The following CHST8 variants were observed in gnomAD, a reference collection of about 807,000 sequenced individuals.
CHST8 encodes carbohydrate sulfotransferase 8.
CHST8 carries 10 observed loss-of-function variants against 15.0 expected under a neutral mutation model. The ratio of observed to expected loss-of-function variants is 0.67; its 90% CI spans 0.41 to 1.13. The LOEUF (loss-of-function observed/expected upper bound fraction) is 1.13. Ranked by LOEUF, CHST8 falls within the 50% of genes most tolerant of loss-of-function variation. The pLI, the probability that CHST8 is intolerant of heterozygous loss-of-function variation, is 0.00. For missense variants in CHST8, 634 were observed against 608.2 expected, an observed-to-expected ratio of 1.04 and a Z score of -0.45; for synonymous variants, 259 against 256.6, an observed-to-expected ratio of 1.01 and a Z score of -0.09.
chr19:33,769,013 C>T (rs186709787), intron 3 of CHST8, among the ~76,000 whole-genome samples: 4 of 152,306 alleles, frequency 2.6e-5, no homozygotes, highest in African/African-American at 9.6e-5. Flanking sequence ...GGAACTTTTC[C>T]TCTAGTTAAT....
chr19:33,761,577 C>T (rs564804954), intron 3 of CHST8, among the ~76,000 whole-genome samples: 31 of 152,026 alleles, frequency 2.0e-4, no homozygotes, highest in African/African-American at 7.0e-4. Flanking sequence ...GTGATACACC[C>T]GCCTCAGCCT....
At chr19:33,648,039 T>C (rs1035937) in intron 1 of CHST8, among the ~76,000 whole-genome samples, 117,472 of 151,670 alleles carry the variant, frequency 0.77, 46,820 homozygotes, top group Non-Finnish European at 0.87. Flanking sequence ...GGGAGAACTG[T>C]TTGAGCCCAG....
intron 3 of CHST8, among the ~76,000 whole-genome samples, chr19:33,690,409 C>A (rs756193259): frequency 6.6e-6 from 1 of 152,140 alleles, no homozygotes; most frequent in African/African-American, 2.4e-5. Flanking sequence ...ACTCTGCAAC[C>A]GCTCCGCCCC....
intron 2 of CHST8, among the ~76,000 whole-genome samples, chr19:33,676,148 T>C (rs970607691): frequency 1.3e-5 from 2 of 152,122 alleles, no homozygotes; most frequent in African/African-American, 4.8e-5. Flanking sequence ...AAGGCTCAAG[T>C]AAGTTTTTTT....
At chr19:33,702,483 C>T (rs1973359456) in intron 3 of CHST8, among the ~76,000 whole-genome samples, 1 of 152,252 alleles carries the variant, frequency 6.6e-6, no homozygotes, top group South Asian at 2.1e-4. Context: ...ACCGAAGCCC[C>T]AAGGCTCTTC....
At chr19:33,719,746 C>CAA (rs36093900) in intron 3 of CHST8, among the ~76,000 whole-genome samples, 8 of 143,618 alleles carry the variant, frequency 5.6e-5, no homozygotes, top group Admixed American at 2.1e-4. Context: ...CTGTGAGTTA[C>CAA]AAAAAAAAAA....
intron 3 of CHST8, among the ~76,000 whole-genome samples, chr19:33,694,296 G>A (rs1394195484): frequency 6.8e-6 from 1 of 147,282 alleles, no homozygotes; most frequent in African/African-American, 2.5e-5. Context: ...TGCAGAGTGA[G>A]TTTTCTTTAA....
At chr19:33,632,225 C>T (rs1196651076) in intron 1 of CHST8, among the ~76,000 whole-genome samples, 1 of 151,916 alleles carries the variant, frequency 6.6e-6, no homozygotes, top group Non-Finnish European at 1.5e-5. Flanking sequence ...CAGCAACCTC[C>T]ATCCCCCGGG....
intron 3 of CHST8, among the ~76,000 whole-genome samples, chr19:33,744,852 A>G (rs1163006031): frequency 2.0e-5 from 3 of 152,014 alleles, no homozygotes; most frequent in African/African-American, 7.3e-5. Flanking sequence ...GGGTTCAAGC[A>G]ATTCTCCTGC....
At chr19:33,722,950 T>G (rs1450178751) in intron 3 of CHST8, among the ~76,000 whole-genome samples, 1 of 152,222 alleles carries the variant, frequency 6.6e-6, no homozygotes. Context: ...TGACAGCTAA[T>G]CATTTTTCAC....
chr19:33,656,823 G>A (rs773648656), intron 1 of CHST8, among the ~76,000 whole-genome samples: 3 of 152,122 alleles, frequency 2.0e-5, no homozygotes, highest in Non-Finnish European at 4.4e-5. Flanking sequence ...ACAGACATGT[G>A]TGGTTAGTTT....
chr19:33,734,437 T>A (rs929304748), intron 3 of CHST8, among the ~76,000 whole-genome samples: 11 of 152,220 alleles, frequency 7.2e-5, no homozygotes, highest in African/African-American at 2.7e-4. Context: ...AATTATTTCT[T>A]GTGCAAGATC....
chr19:33,663,111 G>A (rs1392769868), intron 1 of CHST8, among the ~76,000 whole-genome samples: 2 of 152,150 alleles, frequency 1.3e-5, no homozygotes, highest in African/African-American at 2.4e-5. Context: ...GACAGGATGC[G>A]TGGCCGGAGC....
chr19:33,750,049 T>G (rs1216390684), intron 3 of CHST8, among the ~76,000 whole-genome samples: 2 of 152,112 alleles, frequency 1.3e-5, no homozygotes, highest in East Asian at 3.9e-4. Flanking sequence ...CGAAACGCCC[T>G]GAGACGGGCC....
intron 3 of CHST8, among the ~76,000 whole-genome samples, chr19:33,768,062 G>A (rs932904309): frequency 1.3e-5 from 2 of 152,136 alleles, no homozygotes; most frequent in Non-Finnish European, 2.9e-5. Context: ...GCTGTCCAGG[G>A]TCCTGACGTG....
chr19:33,752,226 G>T (rs1014585029), intron 3 of CHST8, among the ~76,000 whole-genome samples: 1 of 152,174 alleles, frequency 6.6e-6, no homozygotes, highest in Non-Finnish European at 1.5e-5. Flanking sequence ...CGCCTAGGGG[G>T]AAGCACCACC....
chr19:33,760,768 C>T (rs1394727342), intron 3 of CHST8, among the ~76,000 whole-genome samples: 2 of 152,156 alleles, frequency 1.3e-5, no homozygotes, highest in Non-Finnish European at 2.9e-5. Context: ...GAGCTGTCAC[C>T]TGCAACACTG....
intron 3 of CHST8, among the ~76,000 whole-genome samples, chr19:33,728,538 C>T (rs923476829): frequency 5.9e-5 from 9 of 152,248 alleles, no homozygotes; most frequent in African/African-American, 2.2e-4. Context: ...CTCAAGTAAC[C>T]ATGCCCTGCA....
chr19:33,736,007 G>A (rs1170186076), intron 3 of CHST8, among the ~76,000 whole-genome samples: 2 of 152,214 alleles, frequency 1.3e-5, no homozygotes, highest in Non-Finnish European at 2.9e-5. Context: ...TGCAGGGCCA[G>A]GGATGGCTTC....
Sources: allele counts gnomAD v4.1 joint callset (sites outside exome capture counted in the v4.1 genomes callset), GRCh38; gene constraint gnomAD v4.1.1; transcripts MANE v1.5; gene names NCBI Gene and HGNC (gene_info 2026-07-23, HGNC 2026-07-21).